The following TRHDE variants were observed in gnomAD, a reference collection of about 807,000 sequenced individuals.
The protein encoded by TRHDE is thyrotropin releasing hormone degrading enzyme.
TRHDE carries 72 observed loss-of-function variants against 125.7 expected under a neutral mutation model. That is an observed-to-expected ratio of 0.57 (90% CI 0.47 to 0.70). TRHDE has a LOEUF of 0.70. TRHDE is among the 30% of genes least tolerant of loss of function. The probability of loss-of-function intolerance (pLI) is 0.00; values close to 1 mark genes in which losing one functional copy is unlikely to be tolerated. For missense variants in TRHDE, 1,110 were observed against 1,327.1 expected (o/e 0.84, Z 2.54); for synonymous variants, 509 against 509.1 (o/e 1.00, Z 0.00).
At chr12:72,446,150 C>CTTT (rs34777250) in intron 3 of TRHDE, among the ~76,000 whole-genome samples, 1,645 of 133,224 alleles carry the variant, frequency 0.012, 38 homozygotes, top group African/African-American at 0.042. Flanking sequence ...TTGTGCATTT[C>CTTT]TTTTTTTTTT....
chr12:72,490,408 T>G (rs1442690864), intron 5 of TRHDE, among the ~76,000 whole-genome samples: 1 of 151,750 alleles, frequency 6.6e-6, no homozygotes, highest in Admixed American at 6.6e-5. Flanking sequence ...GAAAATAGTA[T>G]GGAAGTTTCT....
At chr12:72,504,388 C>T (rs927795100) in intron 6 of TRHDE, among the ~76,000 whole-genome samples, 5 of 151,460 alleles carry the variant, frequency 3.3e-5, no homozygotes, top group Non-Finnish European at 5.9e-5. Flanking sequence ...ACTGTAACCT[C>T]TGCCTCCCGG....
chr12:72,448,506 A>C (rs1044306081), intron 3 of TRHDE, among the ~76,000 whole-genome samples: 1 of 152,086 alleles, frequency 6.6e-6, no homozygotes, highest in South Asian at 2.1e-4. Context: ...TTAATTAGCT[A>C]ATCTATTGGT....
At chr12:72,346,408 C>T (rs948030759) in intron 2 of TRHDE, among the ~76,000 whole-genome samples, 9 of 151,960 alleles carry the variant, frequency 5.9e-5, no homozygotes, top group African/African-American at 2.2e-4. Flanking sequence ...TAAAATCCAG[C>T]GGGCACACTC....
At chr12:72,468,060 C>A (rs1876468732) in intron 3 of TRHDE, among the ~76,000 whole-genome samples, 1 of 152,142 alleles carries the variant, frequency 6.6e-6, no homozygotes, top group Admixed American at 6.5e-5. Context: ...GTCTTCCATC[C>A]TTTTCCCCTC....
At position 72,286,899 on chromosome 12, in the gene TRHDE, C is replaced by T. The variant is rs1308931759; in HGVS notation, c.1133C>T (p.Ala378Val). ...CCTCTCATGTCCACATATTATTTAG[C>T]CTGGGCAATTTGCAACTTCACATAC... Reference protein sequence around the residue: ...QTPLMSTYYLAWAICNFTYRE... With the variant: ...QTPLMSTYYLVWAICNFTYRE... Residue 378 changes from alanine (A) to valine (V), a missense_variant, in exon 2 of 19, where the codon GCC becomes GTC. Coordinates refer to ENST00000261180, the MANE Select transcript of TRHDE (RefSeq NM_013381.3). The T allele has an allele frequency of 6.2e-7, 1 of 1,613,656 alleles. No individual in the cohort carries two copies. Among genetic ancestry groups the T allele is most frequent in the Non-Finnish European group, 8.5e-7 (1 of 1,179,954 alleles).
chr12:72,141,169 G>A (rs1592455840), intron 2 of TRHDE, among the ~76,000 whole-genome samples: 3 of 152,020 alleles, frequency 2.0e-5, no homozygotes, highest in Admixed American at 2.0e-4. Flanking sequence ...ACACCTATGA[G>A]GTGAGTCTTG....
chr12:72,250,565 G>A (rs200124786), intron 2 of TRHDE, among the ~76,000 whole-genome samples: 1 of 152,066 alleles, frequency 6.6e-6, no homozygotes, highest in East Asian at 1.9e-4. Flanking sequence ...ATTGTGTATA[G>A]TCAAAAGGCA....
intron 2 of TRHDE, among the ~76,000 whole-genome samples, chr12:72,315,573 C>A (rs901447695): frequency 1.3e-5 from 2 of 152,182 alleles, no homozygotes; most frequent in African/African-American, 4.8e-5. Flanking sequence ...TTATGGTATG[C>A]ACTTTCTCTC....
chr12:72,571,601 A>G (rs1424859420), intron 10 of TRHDE, among the ~76,000 whole-genome samples: 1 of 152,144 alleles, frequency 6.6e-6, no homozygotes, highest in Non-Finnish European at 1.5e-5. Context: ...TTTCATTCTT[A>G]TTATGCAAAT....
chr12:72,363,717 G>A (rs1281318504), intron 2 of TRHDE, among the ~76,000 whole-genome samples: 1 of 152,052 alleles, frequency 6.6e-6, no homozygotes. Flanking sequence ...GCACAAGACA[G>A]GGATGCCCTC....
intron 2 of TRHDE, among the ~76,000 whole-genome samples, chr12:72,260,245 C>G (rs544672117): frequency 6.6e-6 from 1 of 152,294 alleles, no homozygotes; most frequent in East Asian, 1.9e-4. Context: ...ATTGTTTCAA[C>G]ATCTACTCAA....
At position 72,282,711 on chromosome 12, in the gene TRHDE, A is replaced by G. The variant is rs187943775; in HGVS notation, c.915-3970A>G. 1.2e-3 allele frequency among the ~76,000 whole-genome samples: 183 copies of G among 152,290 alleles called. 1 individual carries two copies. The highest frequency in any genetic ancestry group is 6.5e-4 in the Non-Finnish European group (44 of 68,010). On this transcript the variant is annotated intron_variant, in intron 1 of 18. Coordinates refer to ENST00000261180, the MANE Select transcript of TRHDE (RefSeq NM_013381.3). ...CTTGTTTCTGTGCTACCTGTAGTCAACTCACTCATTTCTCCATCCAACTAT... is the reference window on the plus strand; with the variant it reads ...CTTGTTTCTGTGCTACCTGTAGTCAGCTCACTCATTTCTCCATCCAACTAT...
chr12:72,633,808 A>G (rs151036433), intron 15 of TRHDE, among the ~76,000 whole-genome samples: 10 of 152,286 alleles, frequency 6.6e-5, no homozygotes, highest in African/African-American at 2.4e-4. Context: ...GTATTTTATT[A>G]TAATGCTTTA....
chr12:72,196,471 T>G (rs2139352093), intron 2 of TRHDE, among the ~76,000 whole-genome samples: 1 of 152,244 alleles, frequency 6.6e-6, no homozygotes, highest in South Asian at 2.1e-4. Context: ...AGGTATTTTA[T>G]TTTTACTTTT....
intron 2 of TRHDE, among the ~76,000 whole-genome samples, chr12:72,318,561 A>C (rs1330923709): frequency 6.6e-6 from 1 of 152,128 alleles, no homozygotes; most frequent in Non-Finnish European, 1.5e-5. Context: ...TTTCCCAAGA[A>C]GAGAACACCA....
intron 2 of TRHDE, among the ~76,000 whole-genome samples, chr12:72,189,780 A>T (rs542388509): frequency 9.3e-4 from 141 of 152,224 alleles, no homozygotes; most frequent in Non-Finnish European, 4.9e-4. Context: ...CCATAAAGCT[A>T]TCAGTTTTGG....
intron 3 of TRHDE, among the ~76,000 whole-genome samples, chr12:72,380,858 TCTTTCTC>T: frequency 6.9e-6 from 1 of 144,228 alleles, no homozygotes; most frequent in Admixed American, 6.9e-5. Context: ...TCTCTCTCTC[TCTTTCTC>T]TCTCTCTCTC....
chr12:72,186,367 A>C (rs961839904), intron 2 of TRHDE: 1 of 150,050 alleles, frequency 6.7e-6, no homozygotes, highest in African/African-American at 2.7e-5. Flanking sequence ...AGGAGGAACG[A>C]ACAACTCCAG....
Sources: allele counts gnomAD v4.1 joint callset (sites outside exome capture counted in the v4.1 genomes callset), GRCh38; gene constraint gnomAD v4.1.1; transcripts MANE v1.5; gene names NCBI Gene and HGNC (gene_info 2026-07-23, HGNC 2026-07-21).